RALYL: variants seen among roughly 807,000 people sequenced by gnomAD.
The protein encoded by RALYL is RALY RNA binding protein like.
A neutral mutation model predicts 35.1 loss-of-function variants in RALYL; 29 were observed. The observed-to-expected ratio is 0.83, with a 90% CI of 0.61 to 1.13. The LOEUF (loss-of-function observed/expected upper bound fraction) is 1.13, where lower values mean the gene tolerates loss of function less well. RALYL is among the 50% of genes most tolerant of loss of function. The probability of loss-of-function intolerance (pLI) is 0.00; values close to 1 mark genes in which losing one functional copy is unlikely to be tolerated. For missense variants in RALYL, 359 were observed against 360.4 expected (o/e 1.00, Z 0.03); for synonymous variants, 120 against 127.6 (o/e 0.94, Z 0.40).
At chr8:84,640,015 C>T (rs1825979448) in intron 2 of RALYL, among the ~76,000 whole-genome samples, 1 of 151,928 alleles carries the variant, frequency 6.6e-6, no homozygotes, top group Non-Finnish European at 1.5e-5. Context: ...CCATCCCTGA[C>T]TTGGAGGGTC....
At chr8:84,186,283 T>A (rs905460974) in intron 1 of RALYL, among the ~76,000 whole-genome samples, 3 of 152,184 alleles carry the variant, frequency 2.0e-5, no homozygotes, top group African/African-American at 7.2e-5. Context: ...AGCTAATTAC[T>A]AAAATACAGT....
chr8:84,757,873 C>A (rs1269849691), intron 2 of RALYL, among the ~76,000 whole-genome samples: 1 of 152,008 alleles, frequency 6.6e-6, no homozygotes, highest in Non-Finnish European at 1.5e-5. Flanking sequence ...TTCTATATGG[C>A]AAAGTAAAAA....
intron 1 of RALYL, among the ~76,000 whole-genome samples, chr8:84,190,250 A>G (rs968360011): frequency 6.6e-6 from 1 of 152,190 alleles, no homozygotes; most frequent in African/African-American, 2.4e-5. Context: ...ATAACACCTC[A>G]CAATTTTACT....
At chr8:84,681,884 G>A (rs560093798) in intron 2 of RALYL, among the ~76,000 whole-genome samples, 6 of 152,242 alleles carry the variant, frequency 3.9e-5, no homozygotes, top group South Asian at 2.1e-4. Context: ...ATGTTGAATC[G>A]GAGTGGTGAG....
At chr8:84,358,321 T>C (rs1852271322) in intron 1 of RALYL, among the ~76,000 whole-genome samples, 1 of 151,898 alleles carries the variant, frequency 6.6e-6, no homozygotes, top group African/African-American at 2.4e-5. Flanking sequence ...ACACTTTGAG[T>C]ATAGGACTTA....
intron 1 of RALYL, among the ~76,000 whole-genome samples, chr8:84,254,154 T>C (rs1342150298): frequency 6.6e-6 from 1 of 152,174 alleles, no homozygotes; most frequent in Non-Finnish European, 1.5e-5. Flanking sequence ...TAGTAGACCA[T>C]GTTCCTTTTA....
chr8:84,835,212 A>G (rs1586647329), intron 4 of RALYL, among the ~76,000 whole-genome samples: 1 of 152,314 alleles, frequency 6.6e-6, no homozygotes, highest in Non-Finnish European at 1.5e-5. Context: ...ATAAATCTAT[A>G]CAAATTAGCT....
intron 1 of RALYL, among the ~76,000 whole-genome samples, chr8:84,214,692 A>C (rs1820347984): frequency 1.3e-5 from 2 of 152,178 alleles, no homozygotes; most frequent in African/African-American, 2.4e-5. Context: ...TGCTACTCGA[A>C]GTGTAGTCTA....
chr8:84,664,144 C>T (rs2131697013), intron 2 of RALYL, among the ~76,000 whole-genome samples: 1 of 151,678 alleles, frequency 6.6e-6, no homozygotes, highest in South Asian at 2.1e-4. Context: ...GGACTTATTT[C>T]TGGGTTCTCT....
intron 5 of RALYL, among the ~76,000 whole-genome samples, chr8:84,852,422 T>A (rs762702740): frequency 2.6e-5 from 4 of 152,196 alleles, no homozygotes; most frequent in Admixed American, 1.3e-4. Flanking sequence ...TCCCATTTAC[T>A]ATTAAGGAAG....
At chr8:84,886,129 C>T (rs77610222) in intron 7 of RALYL, among the ~76,000 whole-genome samples, 7,552 of 152,146 alleles carry the variant, frequency 0.05, 608 homozygotes, top group African/African-American at 0.17. Flanking sequence ...AGGCAAGGCA[C>T]GGCAACCCTT....
chr8:84,652,881 C>T (rs1310611901), intron 2 of RALYL, among the ~76,000 whole-genome samples: 1 of 152,078 alleles, frequency 6.6e-6, no homozygotes, highest in Non-Finnish European at 1.5e-5. Context: ...CTAGACCACA[C>T]TAAGAAACCA....
chr8:84,483,347 A>G (rs1034424352), intron 1 of RALYL, among the ~76,000 whole-genome samples: 5 of 152,096 alleles, frequency 3.3e-5, no homozygotes, highest in African/African-American at 4.8e-5. Context: ...TTTACTCTTC[A>G]TCTTCTTCTG....
In RALYL at chr8:84,702,449, T is replaced by G. The variant is rs151239294; in HGVS notation, c.257-72130T>G. Among the ~76,000 whole-genome samples, 108 of 152,168 alleles carry G rather than the reference T, an allele frequency of 7.1e-4. 1 individual carries two copies. The East Asian group carries it at 0.017, about 24-fold the overall frequency. On this transcript the variant is annotated intron_variant, in intron 2 of 8. Transcript: ENST00000521268. ...GCTAAAGTTTCCCCATTTTCAAAAT[T>G]GGGATAGAGATACTCAAGTAACAGA...
intron 2 of RALYL, among the ~76,000 whole-genome samples, chr8:84,753,343 G>T (rs978007699): frequency 6.6e-6 from 1 of 152,130 alleles, no homozygotes; most frequent in Non-Finnish European, 1.5e-5. Flanking sequence ...GAAGGGACTT[G>T]CCTTGTCTCA....
intron 4 of RALYL, among the ~76,000 whole-genome samples, chr8:84,822,338 GC>G (rs1306159032): frequency 6.6e-6 from 1 of 152,110 alleles, no homozygotes; most frequent in Non-Finnish European, 1.5e-5. Flanking sequence ...TTAAGGGATT[GC>G]CCAATAAATC....
intron 1 of RALYL, among the ~76,000 whole-genome samples, chr8:84,501,092 T>C (rs1380447180): frequency 1.3e-5 from 2 of 152,174 alleles, no homozygotes; most frequent in South Asian, 2.1e-4. Flanking sequence ...GGAATTCTTA[T>C]CATAGTCATT....
chr8:84,638,953 C>T (rs1825724603), intron 2 of RALYL, among the ~76,000 whole-genome samples: 1 of 95,504 alleles, frequency 1.0e-5, no homozygotes, highest in African/African-American at 5.1e-5. Context: ...TATATGTACA[C>T]ACACACACAC....
At chr8:84,185,836 T>G (rs954534738) in intron 1 of RALYL, among the ~76,000 whole-genome samples, 1 of 152,182 alleles carries the variant, frequency 6.6e-6, no homozygotes, top group African/African-American at 2.4e-5. Flanking sequence ...GTTTATAACA[T>G]ACACTGGCTT....
Sources: allele counts gnomAD v4.1 joint callset (sites outside exome capture counted in the v4.1 genomes callset), GRCh38; gene constraint gnomAD v4.1.1; transcripts MANE v1.5; gene names NCBI Gene and HGNC (gene_info 2026-07-23, HGNC 2026-07-21).